KRT86: variants seen among roughly 807,000 people sequenced by gnomAD.
KRT86 encodes keratin 86.
KRT86 carries 30 observed loss-of-function variants against 41.2 expected under a neutral mutation model. The observed-to-expected ratio is 0.73, with a 90% CI of 0.54 to 0.99. The LOEUF (loss-of-function observed/expected upper bound fraction) is 0.99, where lower values mean the gene tolerates loss of function less well. Among genes scored for constraint, KRT86 ranks in the 50% least tolerant of loss-of-function variants. The pLI is 0.00. For synonymous variants in KRT86, 238 were observed against 238.1 expected (o/e 1.00, Z 0.00); for missense variants, 561 against 571.4 (o/e 0.98, Z 0.19).
chr12:52,287,565 C>G (rs762070299), intron 2 of KRT86: 14 of 1,613,826 alleles, frequency 8.7e-6, no homozygotes, highest in Non-Finnish European at 1.2e-5. Context: ...GGCCCTCGGT[C>G]TCTCTGACCT....
In KRT86 at chr12:52,288,388, G is replaced by A. The variant is rs1206948928; in HGVS notation, c.-5+12442G>A. 3.1e-6 allele frequency: 5 copies of A among 1,614,090 alleles called. 1 individual carries two copies. The South Asian group carries it at 5.5e-5, about 18-fold the overall frequency. Reference sequence around the variant, plus strand: ...CCTCATACAGCCGCCTCAGGAAGTCGATCTCCTGGATCAGGGCCTCCACGT... The same window carrying A: ...CCTCATACAGCCGCCTCAGGAAGTCAATCTCCTGGATCAGGGCCTCCACGT... On this transcript the variant is annotated intron_variant, in intron 2 of 10. Coordinates refer to ENST00000423955, the MANE Select transcript of KRT86 (RefSeq NM_001320198.2).
chr12:52,295,767 A>C (rs1042674638), intron 2 of KRT86, among the ~76,000 whole-genome samples: 1 of 152,218 alleles, frequency 6.6e-6, no homozygotes, highest in African/African-American at 2.4e-5. Flanking sequence ...TTTTTGAATG[A>C]ATGAAAAGAA....
At position 52,302,105 on chromosome 12, in the gene KRT86, C is replaced by T. The variant is rs754651481; in HGVS notation, c.189C>T (p.Phe63=). The T allele has an allele frequency of 1.1e-5, 18 of 1,568,062 alleles. No individual in the cohort carries two copies. In the East Asian group the frequency reaches 1.2e-4, roughly 10 times the overall value. ...GGGCCGGCTCCTGCGGACGCAGCTTCGGCTACCGCTCCGGGGGCGTGTGCG... is the reference window on the plus strand; with the variant it reads ...GGGCCGGCTCCTGCGGACGCAGCTTTGGCTACCGCTCCGGGGGCGTGTGCG... The part of the protein sequence containing the change: ...GFRAGSCGRS[F]GYRSGGVCGP... The change falls in exon 3 of 11, where the codon TTC becomes TTT. Residue 63 remains phenylalanine, a synonymous_variant. Transcript: ENST00000423955.
intron 2 of KRT86, among the ~76,000 whole-genome samples, chr12:52,296,024 C>T (rs1348245163): frequency 6.6e-6 from 1 of 151,862 alleles, no homozygotes; most frequent in Non-Finnish European, 1.5e-5. Flanking sequence ...GAAAGTCAGC[C>T]AATGAGAACA....
At chr12:52,296,900 C>T (rs1178476322) in intron 2 of KRT86, among the ~76,000 whole-genome samples, 2 of 152,376 alleles carry the variant, frequency 1.3e-5, no homozygotes, top group Middle Eastern at 3.4e-3. Context: ...AGCCTACAGG[C>T]TGCCTTCCAG....
intron 2 of KRT86, among the ~76,000 whole-genome samples, chr12:52,282,989 T>C (rs536368405): frequency 2.6e-5 from 4 of 152,234 alleles, no homozygotes; most frequent in Non-Finnish European, 5.9e-5. Flanking sequence ...CCTCTAGGCA[T>C]TGAGCAATGC....
chr12:52,294,145 C>T (rs948031923), intron 2 of KRT86, among the ~76,000 whole-genome samples: 10 of 152,184 alleles, frequency 6.6e-5, no homozygotes, highest in Admixed American at 3.3e-4. Flanking sequence ...TTTGTACCCT[C>T]ATCTGGAATT....
At position 52,291,610 on chromosome 12, in the gene KRT86, A is replaced by G. The variant is rs549483561; in HGVS notation, c.-4-10303A>G. The G allele has an allele frequency of 2.1e-5, 28 of 1,318,010 alleles. 1 individual carries two copies. In the South Asian group the frequency reaches 2.8e-4, roughly 13 times the overall value. 81.6% of individuals were successfully genotyped at this position (1,318,010 alleles called of 1,614,324 possible). Reference sequence around the variant, plus strand: ...TGGCTGTGAAGATGATGTTGGGGCAATTTGCGCTTTATGGGCTTGGGTGGT... The same window carrying G: ...TGGCTGTGAAGATGATGTTGGGGCAGTTTGCGCTTTATGGGCTTGGGTGGT... On this transcript the variant is annotated intron_variant, in intron 2 of 10. Transcript: ENST00000423955.
chr12:52,306,364 TTTTG>T lies in KRT86; in HGVS notation c.1247+88_1247+91del. On this transcript the variant is annotated intron_variant, in intron 9 of 10. Transcript: ENST00000423955. ...CCTCACACTCCTGGCAGCATTTAAG[TTTTG>T]TTTCTTAACCTCCCCACCCTGCAAC... 3 of 1,604,596 alleles carry T rather than the reference TTTTG, an allele frequency of 1.9e-6. No individual in the cohort carries two copies. In the South Asian group the frequency reaches 3.3e-5, roughly 18 times the overall value.
chr12:52,278,444 T>TTG (rs199533791), intron 2 of KRT86, among the ~76,000 whole-genome samples: 2,194 of 151,240 alleles, frequency 0.015, 30 homozygotes, highest in Admixed American at 0.025. Context: ...TGTAGTTTTT[T>TTG]TTTTTTTTTT....
intron 2 of KRT86, among the ~76,000 whole-genome samples, chr12:52,293,163 G>C (rs1191430336): frequency 6.6e-6 from 1 of 152,166 alleles, no homozygotes; most frequent in Non-Finnish European, 1.5e-5. Flanking sequence ...AAAGAACTGT[G>C]TAGAGAAACA....
chr12:52,306,400 G>C, intron 9 of KRT86, 120 bp downstream of exon 9: 1 of 1,489,994 alleles, frequency 6.7e-7, no homozygotes, highest in South Asian at 1.2e-5. Context: ...CAACCAGACA[G>C]GTAATTTGTG....
At chr12:52,301,233 G>A (rs551240344) in intron 2 of KRT86, among the ~76,000 whole-genome samples, 1 of 152,176 alleles carries the variant, frequency 6.6e-6, no homozygotes, top group African/African-American at 2.4e-5. Context: ...GTGTATGTGT[G>A]TGTGCACCAG....
chr12:52,286,730 A>G, intron 2 of KRT86: 1 of 1,553,982 alleles, frequency 6.4e-7, no homozygotes, highest in Non-Finnish European at 8.9e-7. Flanking sequence ...CCTTTTTCCA[A>G]ACTCTGCCCT....
At chr12:52,288,068 G>A (rs764722616) in intron 2 of KRT86, 2 of 1,614,112 alleles carry the variant, frequency 1.2e-6, no homozygotes, top group African/African-American at 1.3e-5. Flanking sequence ...CAATGATGCA[G>A]TCCATGTTCA....
chr12:52,287,522 G>C, intron 2 of KRT86: 2 of 1,612,634 alleles, frequency 1.2e-6, no homozygotes, highest in South Asian at 2.2e-5. Flanking sequence ...TGAGATCCAG[G>C]TAGGGCACAC....
chr12:52,295,610 G>A (rs921784589), intron 2 of KRT86, among the ~76,000 whole-genome samples: 10 of 152,122 alleles, frequency 6.6e-5, no homozygotes, highest in African/African-American at 2.2e-4. Flanking sequence ...CTTGTTCTTG[G>A]CAAGCTTCCA....
At chr12:52,286,150 G>C (rs1937920455) in intron 2 of KRT86, 1 of 914,554 alleles carries the variant, frequency 1.1e-6, no homozygotes, top group Non-Finnish European at 1.8e-6. Context: ...GTCTTTCAAA[G>C]TGCAGGAGAA....
chr12:52,301,154 T>C (rs1008675743), intron 2 of KRT86, among the ~76,000 whole-genome samples: 5 of 151,528 alleles, frequency 3.3e-5, no homozygotes, highest in East Asian at 1.9e-4. Flanking sequence ...TGAGTGTGTA[T>C]GTGAAAGAGA....
Sources: allele counts gnomAD v4.1 joint callset (sites outside exome capture counted in the v4.1 genomes callset), GRCh38; gene constraint gnomAD v4.1.1; transcripts MANE v1.5; gene names NCBI Gene and HGNC (gene_info 2026-07-23, HGNC 2026-07-21).